RNF216: variants seen among roughly 807,000 people sequenced by gnomAD.
RNF216 encodes the protein E3 ubiquitin-protein ligase RNF216.
In RNF216, 72 loss-of-function variants were observed where a neutral mutation model predicts 110.8. The ratio of observed to expected loss-of-function variants is 0.65; its 90% CI spans 0.54 to 0.79. RNF216 has a LOEUF of 0.79. RNF216 is among the 30% of genes least tolerant of loss of function. The pLI, the probability that RNF216 is intolerant of heterozygous loss-of-function variation, is 0.00. For missense variants in RNF216, 1,342 were observed against 1,141.2 expected (o/e 1.18, Z -2.54); for synonymous variants, 495 against 407.5 (o/e 1.21, Z -2.59).
At chr7:5,736,584 G>A (rs578178552) in intron 5 of RNF216, among the ~76,000 whole-genome samples, 2 of 145,554 alleles carry the variant, frequency 1.4e-5, no homozygotes, top group African/African-American at 5.1e-5. Context: ...GCCGCCCATC[G>A]TCTGGGATAT....
chr7:5,752,988 A>G lies in RNF216; in HGVS notation c.68-9T>C, dbSNP rs1287157531. 3 of 1,605,360 alleles carry G rather than the reference A, an allele frequency of 1.9e-6. No homozygotes were observed. Among genetic ancestry groups the G allele is most frequent in the Non-Finnish European group, 2.5e-6 (3 of 1,176,876 alleles). ...TCGGAGATTGATCCACTCTACAGGA[A>G]AGCAGAGAACACTGTTACTGGGAGG... On this transcript the variant is annotated splice_polypyrimidine_tract_variant and intron_variant, in intron 2 of 16. Transcript: ENST00000389902.
At chr7:5,632,049 G>A (rs1466470266) in intron 15 of RNF216, among the ~76,000 whole-genome samples, 1 of 152,192 alleles carries the variant, frequency 6.6e-6, no homozygotes, top group East Asian at 1.9e-4. Flanking sequence ...AGGAGGTCTG[G>A]ACTTGTAGGT....
chr7:5,742,939 T>C (rs1794843548), intron 3 of RNF216, among the ~76,000 whole-genome samples: 1 of 152,046 alleles, frequency 6.6e-6, no homozygotes, highest in Admixed American at 6.6e-5. Flanking sequence ...CTGGTGAATT[T>C]AGGAGAGAAA....
At position 5,620,047 on chromosome 7, in the gene RNF216, G is replaced by A. The variant is rs909545527; in HGVS notation, c.*2813C>T. 8.5e-5 allele frequency: 13 copies of A among 152,270 alleles called. No individual in the cohort carries two copies. The highest frequency in any genetic ancestry group is 3.1e-4 in the African/African-American group (13 of 41,458). The allele number at this position is 152,270 out of a possible 1,614,324, so 9.4% of individuals were successfully genotyped here. On this transcript the variant is annotated 3_prime_UTR_variant, in exon 17 of 17. Transcript: ENST00000389902. ...CGGGGTGGAGAGACGAAGCTGGAGG[G>A]AGCAGAGCGCACAAACATTTATTTA...
In RNF216 at chr7:5,721,075, T is replaced by C. The variant is rs761803147; in HGVS notation, c.1602A>G (p.Gln534=). The C allele has an allele frequency of 5.6e-6, 9 of 1,614,238 alleles. No individual in the cohort carries two copies. Among genetic ancestry groups the C allele is most frequent in the Admixed American group, 1.7e-5 (1 of 60,028 alleles). Residue 534 remains glutamine, a synonymous_variant, in exon 9 of 17, where the codon CAA becomes CAG. Coordinates refer to ENST00000389902, the MANE Select transcript of RNF216 (RefSeq NM_207111.4). ...DRRALLPAVQ[Q]EQEFYEQKIK... ...TTTTCTGCTCATAGAACTCCTGCTC[T>C]TGTTGCACAGCTGGAAGGAGAGCAC...
At chr7:5,707,718 G>GTGTT (rs1792384318) in intron 13 of RNF216, among the ~76,000 whole-genome samples, 6 of 92,858 alleles carry the variant, frequency 6.5e-5, no homozygotes, top group Admixed American at 1.4e-4. Flanking sequence ...TGTGTGTGTG[G>GTGTT]TTTTTTTTTT....
At chr7:5,734,374 T>C (rs76593183) in intron 5 of RNF216, among the ~76,000 whole-genome samples, 9,818 of 149,484 alleles carry the variant, frequency 0.066, 529 homozygotes, top group African/African-American at 0.15. Flanking sequence ...ACAAAATCTT[T>C]ATGTAGTGTT....
At chr7:5,687,476 CAA>C (rs1331894377) in intron 13 of RNF216, among the ~76,000 whole-genome samples, 2 of 150,020 alleles carry the variant, frequency 1.3e-5, no homozygotes, top group African/African-American at 4.9e-5. Flanking sequence ...TTTCAGAAAC[CAA>C]AGAGTCCACT....
intron 11 of RNF216, 92 bp downstream of exon 11, chr7:5,714,961 T>G: frequency 8.0e-7 from 1 of 1,242,912 alleles, no homozygotes; most frequent in South Asian, 1.6e-5. Flanking sequence ...CACCTCACCC[T>G]CAAAGAGGCA....
In RNF216 at chr7:5,665,271, A is replaced by C. The variant is rs544893615; in HGVS notation, c.2062-12761T>G. On this transcript the variant is annotated intron_variant, in intron 13 of 16. Transcript: ENST00000389902. Reference sequence around the variant, plus strand: ...TTACATTTCCAAATGCAGAAATTCAAATCTGGGAGTGGCCAAGTGAGAGCT... The same window carrying C: ...TTACATTTCCAAATGCAGAAATTCACATCTGGGAGTGGCCAAGTGAGAGCT... Among the ~76,000 whole-genome samples, 101 of 152,300 alleles carry C rather than the reference A, an allele frequency of 6.6e-4. 1 individual carries two copies. The South Asian group carries it at 0.013, about 19-fold the overall frequency.
intron 1 of RNF216, among the ~76,000 whole-genome samples, chr7:5,780,847 G>C (rs973757488): frequency 4.1e-4 from 63 of 152,234 alleles, no homozygotes; most frequent in African/African-American, 1.5e-3. Context: ...TAACCCGCAC[G>C]CCGCGCACGC....
At position 5,693,647 on chromosome 7, in the gene RNF216, G is replaced by GGGAA. The variant is rs3837095; in HGVS notation, c.2061+18110_2061+18113dup. 3.9e-5 allele frequency among the ~76,000 whole-genome samples: 6 copies of GGGAA among 152,266 alleles called. No homozygotes were observed. In the East Asian group the frequency reaches 7.7e-4, roughly 20 times the overall value. ...TTCCTCTTTTTAGAGGAAGTAAGAA[G>GGGAA]GGAACTGTAGGTCTTTTGATAAGAG... On this transcript the variant is annotated intron_variant, in intron 13 of 16. Coordinates refer to ENST00000389902, the MANE Select transcript of RNF216 (RefSeq NM_207111.4).
chr7:5,780,908 C>T (rs1797049058), intron 1 of RNF216, among the ~76,000 whole-genome samples: 2 of 152,186 alleles, frequency 1.3e-5, no homozygotes, highest in African/African-American at 4.8e-5. Flanking sequence ...GGTCCTGTTC[C>T]ACCGGGAGCA....
At chr7:5,640,677 A>C (rs1446722673) in intron 15 of RNF216, among the ~76,000 whole-genome samples, 1 of 152,108 alleles carries the variant, frequency 6.6e-6, no homozygotes, top group Non-Finnish European at 1.5e-5. Context: ...TAGAATTGTT[A>C]ATATTAAACC....
At chr7:5,704,428 T>C (rs1792159746) in intron 13 of RNF216, among the ~76,000 whole-genome samples, 1 of 152,176 alleles carries the variant, frequency 6.6e-6, no homozygotes. Flanking sequence ...GCCATCTTGC[T>C]ACAAAGAATG....
chr7:5,741,860 C>T (rs749817722), intron 3 of RNF216, 45 bp from the exon 4 acceptor site: 4 of 1,547,196 alleles, frequency 2.6e-6, no homozygotes, highest in African/African-American at 1.4e-5. Flanking sequence ...TTTCCTATGC[C>T]TATCCCTCCT....
chr7:5,695,572 A>T (rs770596833), intron 13 of RNF216, among the ~76,000 whole-genome samples: 1 of 152,232 alleles, frequency 6.6e-6, no homozygotes, highest in Non-Finnish European at 1.5e-5. Context: ...CCGCAGCTAT[A>T]GACAAGTTCT....
In RNF216 at chr7:5,753,821, AC is replaced by A. The variant is rs558453410; in HGVS notation, c.68-843del. Among the ~76,000 whole-genome samples the A allele has an allele frequency of 3.3e-4, 50 of 152,224 alleles. 1 individual carries two copies. Among genetic ancestry groups the A allele is most frequent in the South Asian group, 2.5e-3 (12 of 4,824 alleles). The stretch of plus-strand genomic sequence containing the variant: ...ACCAGCCAGACGAACACGGTGAAAC[AC>A]CGTCTCTACTAAAAATACAAAAATT... On this transcript the variant is annotated intron_variant, in intron 2 of 16. Transcript: ENST00000389902.
At chr7:5,650,369 C>A (rs73338062) in intron 14 of RNF216, among the ~76,000 whole-genome samples, 5,403 of 152,238 alleles carry the variant, frequency 0.035, 329 homozygotes, top group African/African-American at 0.12. Context: ...GTGCCAGGAA[C>A]CGATAGGACA....
Sources: gnomAD v4.1 joint callset for allele counts (sites outside exome capture counted in the v4.1 genomes callset) on GRCh38, gnomAD v4.1.1 for gene constraint, MANE v1.5 for transcripts, NCBI Gene and HGNC (gene_info 2026-07-23, HGNC 2026-07-21) for gene names.